GNA14: variants seen among roughly 807,000 people sequenced by gnomAD.
GNA14 encodes the protein guanine nucleotide-binding protein subunit alpha-14.
A neutral mutation model predicts 42.0 loss-of-function variants in GNA14; 50 were observed. That is an observed-to-expected ratio of 1.19 (90% CI 0.95 to 1.51). The LOEUF (loss-of-function observed/expected upper bound fraction) is 1.51, where lower values mean the gene tolerates loss of function less well. Ranked by LOEUF, GNA14 falls within the 40% of genes most tolerant of loss-of-function variation. The pLI, the probability that GNA14 is intolerant of heterozygous loss-of-function variation, is 0.00. For missense variants in GNA14, 473 were observed against 446.2 expected (o/e 1.06, Z -0.54); for synonymous variants, 173 against 163.1 (o/e 1.06, Z -0.46).
chr9:77,562,282 AAG>A lies in GNA14; in HGVS notation c.125-33031_125-33030del, dbSNP rs561465603. 4.8e-3 allele frequency among the ~76,000 whole-genome samples: 736 copies of A among 152,316 alleles called. 4 individuals are homozygous for A. Among genetic ancestry groups the A allele is most frequent in the African/African-American group, 0.017 (699 of 41,576 alleles). ...CAGTGCTATGGAAAGTCTGGGGAGAAAGAAAGTAGCGTCTGCAACGTCTTAAC... is the reference window on the plus strand; with the variant it reads ...CAGTGCTATGGAAAGTCTGGGGAGAAAAAGTAGCGTCTGCAACGTCTTAAC... On this transcript the variant is annotated intron_variant, in intron 1 of 6. Transcript: ENST00000341700.
At chr9:77,493,026 A>AAAAAAAATAT (rs1554691641) in intron 2 of GNA14, among the ~76,000 whole-genome samples, 1 of 51,730 alleles carries the variant, frequency 1.9e-5, no homozygotes, top group African/African-American at 1.1e-4. Context: ...AAAAAAAAAA[A>AAAAAAAATAT]ATATATATAT....
intron 1 of GNA14, among the ~76,000 whole-genome samples, chr9:77,617,527 C>T (rs1247728102): frequency 6.6e-6 from 1 of 152,120 alleles, no homozygotes; most frequent in East Asian, 1.9e-4. Flanking sequence ...CTGGACATTC[C>T]ATAACATCTC....
chr9:77,571,579 T>A (rs1823059979), intron 1 of GNA14, among the ~76,000 whole-genome samples: 1 of 152,070 alleles, frequency 6.6e-6, no homozygotes, highest in Non-Finnish European at 1.5e-5. Context: ...GGCGGGCAGA[T>A]CACATGAGGT....
chr9:77,479,658 G>A (rs562617942), intron 2 of GNA14, among the ~76,000 whole-genome samples: 18 of 152,240 alleles, frequency 1.2e-4, no homozygotes, highest in Non-Finnish European at 2.4e-4. Flanking sequence ...CCATTTTCAC[G>A]ACACTGATTC....
At chr9:77,569,152 C>G (rs967589149) in intron 1 of GNA14, among the ~76,000 whole-genome samples, 1 of 150,978 alleles carries the variant, frequency 6.6e-6, no homozygotes, top group Non-Finnish European at 1.5e-5. Flanking sequence ...ATCTCTTTTG[C>G]CTTTTTTTTT....
intron 1 of GNA14, among the ~76,000 whole-genome samples, chr9:77,577,146 A>G (rs1823141407): frequency 6.6e-6 from 1 of 152,208 alleles, no homozygotes; most frequent in Non-Finnish European, 1.5e-5. Flanking sequence ...GATCCACAGA[A>G]GAGTTTGTGG....
At chr9:77,633,625 A>G (rs989177392) in intron 1 of GNA14, among the ~76,000 whole-genome samples, 21 of 152,224 alleles carry the variant, frequency 1.4e-4, no homozygotes, top group African/African-American at 4.1e-4. Flanking sequence ...AGCAATTCAG[A>G]TAGAGATGGG....
At chr9:77,515,492 G>A (rs888915663) in intron 2 of GNA14, among the ~76,000 whole-genome samples, 4 of 152,244 alleles carry the variant, frequency 2.6e-5, no homozygotes, top group Admixed American at 2.6e-4. Flanking sequence ...AAGAGAGGCT[G>A]TTGATCTGCT....
intron 2 of GNA14, among the ~76,000 whole-genome samples, chr9:77,463,922 G>A (rs1456783737): frequency 2.1e-5 from 3 of 145,642 alleles, no homozygotes; most frequent in African/African-American, 5.7e-5. Context: ...TATCAGCAAA[G>A]AAAAGAAAGA....
At chr9:77,522,394 G>A (rs1837371406) in intron 2 of GNA14, among the ~76,000 whole-genome samples, 1 of 152,202 alleles carries the variant, frequency 6.6e-6, no homozygotes, top group Non-Finnish European at 1.5e-5. Flanking sequence ...AGCATTTGCT[G>A]TGTTTGTCAC....
chr9:77,621,780 C>T (rs951651100), intron 1 of GNA14, among the ~76,000 whole-genome samples: 6 of 152,130 alleles, frequency 3.9e-5, no homozygotes, highest in Admixed American at 3.3e-4. Flanking sequence ...ATGATTTCGT[C>T]GACTTTTAGG....
rs1311846323 is a variant in GNA14, at chr9:77,425,699, C to T, written c.740G>A (p.Ser247Asn). The T allele has an allele frequency of 8.1e-6, 13 of 1,605,616 alleles. No individual in the cohort carries two copies. The highest frequency in any genetic ancestry group is 1.1e-5 in the Non-Finnish European group (13 of 1,176,316). The change falls in exon 6 of 7, where the codon AGC becomes AAC. Residue 247 changes from serine (S) to asparagine (N), a missense_variant. Ser to Asn is a conservative substitution (Grantham distance 46). Transcript: ENST00000341700. ...ECDNENRMEESKALFKTIITY... is the reference protein window; with the variant it reads ...ECDNENRMEENKALFKTIITY... ...GATGATGGTTTTAAATAAGGCTTTG[C>T]TCTCTTCCATGCGATTCTAAGTGAA...
At chr9:77,602,325 C>G (rs1230792730) in intron 1 of GNA14, among the ~76,000 whole-genome samples, 1 of 152,138 alleles carries the variant, frequency 6.6e-6, no homozygotes, top group Non-Finnish European at 1.5e-5. Flanking sequence ...AGACTAAATT[C>G]TTTTCCCAAG....
At chr9:77,525,988 A>G (rs2131765608) in intron 2 of GNA14, among the ~76,000 whole-genome samples, 1 of 145,718 alleles carries the variant, frequency 6.9e-6, no homozygotes, top group Non-Finnish European at 1.5e-5. Flanking sequence ...TGCAACCTCC[A>G]CCTCACAGAC....
intron 1 of GNA14, among the ~76,000 whole-genome samples, chr9:77,544,305 A>G (rs1428108155): frequency 1.3e-5 from 2 of 152,190 alleles, no homozygotes; most frequent in Non-Finnish European, 2.9e-5. Flanking sequence ...CTAAAAACAA[A>G]CCACACAAAG....
intron 5 of GNA14, among the ~76,000 whole-genome samples, chr9:77,426,465 C>T (rs10125624): frequency 0.59 from 89,834 of 151,886 alleles, 26,773 homozygotes; most frequent in East Asian, 0.68. Context: ...CCACCACACC[C>T]GGCTAATTTT....
intron 1 of GNA14, among the ~76,000 whole-genome samples, chr9:77,616,337 T>C (rs1029753619): frequency 1.3e-5 from 2 of 152,238 alleles, no homozygotes; most frequent in Non-Finnish European, 2.9e-5. Flanking sequence ...TTGGCAATGC[T>C]AATGGCATGG....
intron 1 of GNA14, among the ~76,000 whole-genome samples, chr9:77,531,338 G>C (rs1837526093): frequency 6.6e-6 from 1 of 152,174 alleles, no homozygotes; most frequent in South Asian, 2.1e-4. Context: ...ACTGTGATGA[G>C]ACCACGTGCC....
chr9:77,639,616 TG>T (rs1429580903), intron 1 of GNA14, among the ~76,000 whole-genome samples: 1 of 152,196 alleles, frequency 6.6e-6, no homozygotes, highest in Non-Finnish European at 1.5e-5. Context: ...TGAATATAAG[TG>T]TCTAGCAGCA....
Sources: allele counts gnomAD v4.1 joint callset (sites outside exome capture counted in the v4.1 genomes callset), GRCh38; gene constraint gnomAD v4.1.1; transcripts MANE v1.5; gene names NCBI Gene and HGNC (gene_info 2026-07-23, HGNC 2026-07-21).